Variants in CATSPERT observed in about 807,000 individuals in gnomAD.
CATSPERT encodes cation channel sperm-associated targeting subunit tau.
the CATSPERT span, among the ~76,000 whole-genome samples, chr2:201,510,068 A>T: frequency 3.0e-4 from 46 of 150,946 alleles, 3 homozygotes; most frequent in African/African-American, 1.0e-3. Context: ...CAGGGACTTA[A>T]TGTGATCAGG....
At chr2:201,542,774 GT>G in the CATSPERT span, among the ~76,000 whole-genome samples, 1 of 151,994 alleles carries the variant, frequency 6.6e-6, no homozygotes, top group Non-Finnish European at 1.5e-5. Context: ...CAAATATATG[GT>G]TTACAAATAT....
chr2:201,558,118 A>G, the CATSPERT span: 1 of 152,222 alleles, frequency 6.6e-6, no homozygotes, highest in African/African-American at 2.4e-5. Flanking sequence ...TGTCTATTGC[A>G]TTTGAATTAT....
the CATSPERT span, chr2:201,603,332 C>T: frequency 6.1e-6 from 9 of 1,483,412 alleles, no homozygotes; most frequent in Middle Eastern, 1.7e-4. Context: ...GTTAACTGTT[C>T]TTTCACTTTA....
chr2:201,526,648 G>A, the CATSPERT span, among the ~76,000 whole-genome samples: 105,740 of 152,034 alleles, frequency 0.7, 37,719 homozygotes, highest in East Asian at 0.96. Context: ...GATTCATCAC[G>A]TGAACAGAAC....
the CATSPERT span, among the ~76,000 whole-genome samples, chr2:201,612,296 C>T: frequency 4.9e-4 from 74 of 152,122 alleles, no homozygotes; most frequent in East Asian, 4.2e-3. Flanking sequence ...TAAAGGGGGC[C>T]GGGCACGGTG....
At chr2:201,528,821 T>C in the CATSPERT span, among the ~76,000 whole-genome samples, 1 of 152,104 alleles carries the variant, frequency 6.6e-6, no homozygotes, top group Non-Finnish European at 1.5e-5. Context: ...ATTTGCTACC[T>C]GGGTGATAAA....
At chr2:201,493,667 C>G in the CATSPERT span, 1 of 1,537,210 alleles carries the variant, frequency 6.5e-7, no homozygotes. Flanking sequence ...AATTGATTTT[C>G]CAAGTTCATT....
chr2:201,612,737 C>T, the CATSPERT span, among the ~76,000 whole-genome samples: 20 of 152,116 alleles, frequency 1.3e-4, no homozygotes, highest in South Asian at 6.2e-4. Flanking sequence ...GTGCAGCCCA[C>T]GGAGCAGGGT....
chr2:201,492,252 A>G, the CATSPERT span: 10 of 1,519,480 alleles, frequency 6.6e-6, no homozygotes, highest in African/African-American at 5.6e-5. Context: ...GTGTTTTTAT[A>G]TATTTTAATG....
the CATSPERT span, among the ~76,000 whole-genome samples, chr2:201,565,304 CAAA>C: frequency 1.4e-5 from 2 of 144,240 alleles, no homozygotes; most frequent in Admixed American, 6.9e-5. Flanking sequence ...GGCCTCGTCT[CAAA>C]AAAAAAAAAA....
At chr2:201,522,146 G>C in the CATSPERT span, among the ~76,000 whole-genome samples, 8,129 of 152,146 alleles carry the variant, frequency 0.053, 265 homozygotes, top group African/African-American at 0.076. Flanking sequence ...CATAGTACTG[G>C]AAGTTCTAGC....
the CATSPERT span, chr2:201,581,959 G>T: frequency 9.3e-7 from 1 of 1,078,120 alleles, no homozygotes; most frequent in Non-Finnish European, 1.3e-6. Flanking sequence ...GCCAAAAGGA[G>T]ATTTTATTTC....
At chr2:201,528,563 C>T in the CATSPERT span, among the ~76,000 whole-genome samples, 5 of 152,092 alleles carry the variant, frequency 3.3e-5, no homozygotes, top group East Asian at 1.9e-4. Context: ...GTATATTCCA[C>T]GGAATCTGAT....
chr2:201,535,609 C>G, the CATSPERT span: 33 of 1,086,004 alleles, frequency 3.0e-5, no homozygotes, highest in Non-Finnish European at 3.5e-5. Flanking sequence ...ATTACTAACC[C>G]AAGAGATTAA....
At chr2:201,501,127 G>A in the CATSPERT span, among the ~76,000 whole-genome samples, 1 of 151,964 alleles carries the variant, frequency 6.6e-6, no homozygotes, top group Non-Finnish European at 1.5e-5. Context: ...GGCCGGGCAT[G>A]GTGGCTTATG....
At chr2:201,499,890 T>C in the CATSPERT span, among the ~76,000 whole-genome samples, 1 of 147,660 alleles carries the variant, frequency 6.8e-6, no homozygotes, top group African/African-American at 2.5e-5. Context: ...ATATAATATA[T>C]ATAATTTATA....
At chr2:201,556,498 A>T in the CATSPERT span, among the ~76,000 whole-genome samples, 1 of 141,896 alleles carries the variant, frequency 7.0e-6, no homozygotes, top group African/African-American at 2.6e-5. Flanking sequence ...ACAAAGCAAG[A>T]CTCCACTTCA....
chr2:201,531,936 G>A, the CATSPERT span, among the ~76,000 whole-genome samples: 6 of 152,298 alleles, frequency 3.9e-5, no homozygotes, highest in Non-Finnish European at 7.4e-5. Context: ...TTTAGATTTC[G>A]TCTTTACAAG....
At chr2:201,594,594 T>C in the CATSPERT span, among the ~76,000 whole-genome samples, 1 of 152,132 alleles carries the variant, frequency 6.6e-6, no homozygotes, top group Non-Finnish European at 1.5e-5. Context: ...GGTTCCATTC[T>C]CCCCGTCACT....
Sources: gnomAD v4.1 joint callset for allele counts (sites outside exome capture counted in the v4.1 genomes callset) on GRCh38, gnomAD v4.1.1 for gene constraint, MANE v1.5 for transcripts, NCBI Gene and HGNC (gene_info 2026-07-23, HGNC 2026-07-21) for gene names.